SUZ12: variants seen among roughly 807,000 people sequenced by gnomAD.
SUZ12 encodes SUZ12 polycomb repressive complex 2 subunit, also known as polycomb protein SUZ12.
Under a neutral mutation model 87.3 loss-of-function variants are expected in SUZ12, and 17 were observed. The ratio of observed to expected loss-of-function variants is 0.19; its 90% CI spans 0.13 to 0.29. The LOEUF (loss-of-function observed/expected upper bound fraction) is 0.29, where lower values mean the gene tolerates loss of function less well. Among genes scored for constraint, SUZ12 ranks in the 10% least tolerant of loss-of-function variants. The probability of loss-of-function intolerance (pLI) is 1.00; values close to 1 mark genes in which losing one functional copy is unlikely to be tolerated. For missense variants in SUZ12, 526 were observed against 912.2 expected (o/e 0.58, Z 5.45); for synonymous variants, 253 against 312.4 (o/e 0.81, Z 2.01).
intron 8 of SUZ12, among the ~76,000 whole-genome samples, chr17:31,981,461 A>G (rs968790003): frequency 6.6e-6 from 1 of 152,248 alleles, no homozygotes; most frequent in African/African-American, 2.4e-5. Context: ...AAGTCTCCAC[A>G]TACATTACAG....
chr17:31,983,674 A>T (rs923353179), intron 9 of SUZ12, among the ~76,000 whole-genome samples: 1 of 152,192 alleles, frequency 6.6e-6, no homozygotes, highest in Non-Finnish European at 1.5e-5. Flanking sequence ...TCCATGTCTC[A>T]GTTTCTTCTC....
At chr17:31,994,104 A>G (rs1909854897) in intron 12 of SUZ12, 96 bp downstream of exon 12, 1 of 1,188,626 alleles carries the variant, frequency 8.4e-7, no homozygotes. Context: ...TTTTTAAATT[A>G]AAAAAGGGAA....
At chr17:31,946,028 A>G (rs1429473892) in intron 3 of SUZ12, among the ~76,000 whole-genome samples, 7 of 152,128 alleles carry the variant, frequency 4.6e-5, no homozygotes, top group African/African-American at 4.8e-5. Flanking sequence ...GCTTCTTACT[A>G]TACTCTATTG....
At chr17:31,993,535 G>A (rs1331650826) in intron 11 of SUZ12, among the ~76,000 whole-genome samples, 2 of 151,932 alleles carry the variant, frequency 1.3e-5, no homozygotes, top group Non-Finnish European at 2.9e-5. Context: ...TGATTCTCAC[G>A]CCTCAGCCTC....
At position 32,000,674 on chromosome 17, in the gene SUZ12, G is replaced by A. The variant is rs755443721; in HGVS notation, c.*1671G>A. On this transcript the variant is annotated 3_prime_UTR_variant, in exon 16 of 16. Coordinates refer to ENST00000322652, the MANE Select transcript of SUZ12 (RefSeq NM_015355.4). ...AGATTATTTTAGGGGAGATGTAGGT[G>A]TAGAATTATTGCTTATGTCATTTCT... The A allele has an allele frequency of 1.7e-5, 4 of 230,802 alleles. No homozygotes were observed. Among genetic ancestry groups the A allele is most frequent in the Non-Finnish European group, 1.7e-5 (2 of 116,702 alleles). The allele number at this position is 230,802 out of a possible 1,614,324, so 14.3% of individuals were successfully genotyped here. A position where few individuals can be genotyped will look rare whatever the true frequency, so the allele number is the denominator to read the frequency against.
intron 4 of SUZ12, among the ~76,000 whole-genome samples, chr17:31,950,671 G>A (rs1168890137): frequency 6.6e-6 from 1 of 152,080 alleles, no homozygotes; most frequent in Non-Finnish European, 1.5e-5. Context: ...GCAAGAGTGT[G>A]ACTCTGTCTC....
At chr17:31,962,745 G>A (rs1263203946) in intron 4 of SUZ12, among the ~76,000 whole-genome samples, 4 of 152,222 alleles carry the variant, frequency 2.6e-5, no homozygotes, top group African/African-American at 7.2e-5. Context: ...TAAGGCTTTC[G>A]TAGAACAGGA....
chr17:31,947,730 A>C (rs1328212938), intron 4 of SUZ12, 45 bp downstream of exon 4: 1 of 1,553,002 alleles, frequency 6.4e-7, no homozygotes, highest in Non-Finnish European at 8.7e-7. Flanking sequence ...ACTTTAGGAA[A>C]GAGGAAAAAT....
At chr17:31,956,311 A>G (rs1907332566) in intron 4 of SUZ12, among the ~76,000 whole-genome samples, 1 of 151,810 alleles carries the variant, frequency 6.6e-6, no homozygotes, top group Non-Finnish European at 1.5e-5. Flanking sequence ...TTCTTGCCTC[A>G]GCCTCTGGAG....
chr17:31,972,383 G>GTATATATATA (rs71142099), intron 5 of SUZ12, among the ~76,000 whole-genome samples: 38 of 144,692 alleles, frequency 2.6e-4, no homozygotes, highest in African/African-American at 9.3e-4. Flanking sequence ...GTTTGTGTGT[G>GTATATATATA]TATATATATA....
At chr17:31,990,457 G>A (rs776959737) in intron 10 of SUZ12, among the ~76,000 whole-genome samples, 3 of 151,276 alleles carry the variant, frequency 2.0e-5, no homozygotes, top group African/African-American at 4.9e-5. Flanking sequence ...TCCGCCTCCC[G>A]GTTTGAAGCA....
intron 4 of SUZ12, among the ~76,000 whole-genome samples, chr17:31,952,380 T>C (rs1291664799): frequency 5.9e-5 from 9 of 152,082 alleles, no homozygotes; most frequent in Non-Finnish European, 1.2e-4. Context: ...TTACAGAAGG[T>C]CTGATATAAT....
intron 8 of SUZ12, among the ~76,000 whole-genome samples, chr17:31,982,661 CAAAT>C (rs374437953): frequency 0.11 from 16,120 of 151,788 alleles, 1,032 homozygotes; most frequent in Middle Eastern, 0.15. Flanking sequence ...GACTCCATCT[CAAAT>C]AAATAAATAA....
At position 31,993,314 on chromosome 17, in the gene SUZ12, A is replaced by G; in HGVS notation, c.1274A>G (p.Lys425Arg). ...GATACTCCAAATGAAAACCGACAAAAATTAAGAATATTTTATCAGGTAAAC... is the reference window on the plus strand; with the variant it reads ...GATACTCCAAATGAAAACCGACAAAGATTAAGAATATTTTATCAGGTAAAC... ...EKDTPNENRQ[K>R]LRIFYQFLYN... Residue 425 changes from lysine (K) to arginine (R), a missense_variant, in exon 11 of 16, where the codon AAA becomes AGA. Physicochemically the swap from Lys to Arg is conservative, Grantham distance 26. Transcript: ENST00000322652. 1 of 1,576,680 alleles carries G rather than the reference A, an allele frequency of 6.3e-7. No homozygotes were observed. Among genetic ancestry groups the G allele is most frequent in the East Asian group, 2.3e-5 (1 of 44,002 alleles).
intron 8 of SUZ12, among the ~76,000 whole-genome samples, chr17:31,982,332 A>G (rs962087753): frequency 6.9e-6 from 1 of 144,838 alleles, no homozygotes; most frequent in African/African-American, 2.7e-5. Flanking sequence ...CCCTAAGACA[A>G]GCATTGTTTG....
At chr17:31,978,355 C>T (rs1484567979) in intron 8 of SUZ12, among the ~76,000 whole-genome samples, 2 of 152,034 alleles carry the variant, frequency 1.3e-5, no homozygotes, top group African/African-American at 2.4e-5. Context: ...ATTACAGGCA[C>T]CTGCTACCAT....
chr17:31,938,639 TA>T (rs1906085257), intron 1 of SUZ12, among the ~76,000 whole-genome samples: 1 of 152,254 alleles, frequency 6.6e-6, no homozygotes, highest in Non-Finnish European at 1.5e-5. Context: ...TTGAAATATC[TA>T]GAGAGGCTTT....
chr17:31,940,169 T>G lies in SUZ12; in HGVS notation c.275-117T>G. 4.4e-6 allele frequency: 6 copies of G among 1,359,368 alleles called. No individual in the cohort carries two copies. The South Asian group carries it at 8.8e-5, about 20-fold the overall frequency. The allele number at this position is 1,359,368 out of a possible 1,614,324, so 84.2% of individuals were successfully genotyped here. ...ATGTAAATATTTAGTGCGATATAAA[T>G]AGTGCGTGATTTCCATAGCAGATGA... is the stretch of plus-strand genomic sequence containing the variant. On this transcript the variant is annotated intron_variant, in intron 1 of 15. Transcript: ENST00000322652.
At chr17:31,963,999 CCT>C (rs1449032224) in intron 4 of SUZ12, 1 of 152,162 alleles carries the variant, frequency 6.6e-6, no homozygotes, top group Non-Finnish European at 1.5e-5. Context: ...ATAATTTTGT[CCT>C]CTACTGATAG....
Sources: allele counts gnomAD v4.1 joint callset (sites outside exome capture counted in the v4.1 genomes callset), GRCh38; gene constraint gnomAD v4.1.1; transcripts MANE v1.5; gene names NCBI Gene and HGNC (gene_info 2026-07-23, HGNC 2026-07-21).